Variants in FBXL13 observed in about 807,000 individuals in gnomAD.
FBXL13 encodes F-box and leucine rich repeat protein 13, also known as F-box and leucine-rich repeat protein 13.
In FBXL13, 67 loss-of-function variants were observed where a neutral mutation model predicts 83.6. The observed-to-expected ratio is 0.80, with a 90% CI of 0.66 to 0.98. FBXL13 has a LOEUF of 0.98. Ranked by LOEUF, FBXL13 falls within the 50% of genes least tolerant of loss-of-function variation. The pLI is 0.00. For synonymous variants in FBXL13, 272 were observed against 299.5 expected (o/e 0.91, Z 0.95); for missense variants, 822 against 866.5 (o/e 0.95, Z 0.64).
At chr7:103,038,753 A>G (rs1795345923) in intron 2 of FBXL13, among the ~76,000 whole-genome samples, 1 of 152,212 alleles carries the variant, frequency 6.6e-6, no homozygotes, top group African/African-American at 2.4e-5. Context: ...AAAACTAACA[A>G]ACAGAAAGGA....
At chr7:102,823,521 T>C (rs77202832) in intron 18 of FBXL13, among the ~76,000 whole-genome samples, 1,654 of 152,288 alleles carry the variant, frequency 0.011, 35 homozygotes, top group African/African-American at 0.038. Context: ...GGTTCCAACA[T>C]ATCACAGTTT....
exon 20 of FBXL13, chr7:102,813,439 T>G: frequency 6.2e-7 from 1 of 1,614,134 alleles, no homozygotes. Flanking sequence ...TGTAACAGGG[T>G]TTCCTTCCCT....
chr7:102,910,397 C>A (rs1293539559), intron 11 of FBXL13, among the ~76,000 whole-genome samples: 3 of 144,206 alleles, frequency 2.1e-5, no homozygotes, highest in Non-Finnish European at 4.5e-5. Context: ...TTTTTTTTTT[C>A]TTTGTGTGTT....
At chr7:102,915,790 A>T (rs963173886) in intron 10 of FBXL13, among the ~76,000 whole-genome samples, 1 of 152,198 alleles carries the variant, frequency 6.6e-6, no homozygotes, top group Non-Finnish European at 1.5e-5. Context: ...ATATTAAGTA[A>T]GATTTTGTGG....
intron 11 of FBXL13, among the ~76,000 whole-genome samples, chr7:102,892,401 T>C (rs1811643909): frequency 6.6e-6 from 1 of 152,238 alleles, no homozygotes; most frequent in African/African-American, 2.4e-5. Context: ...CAATGAATAA[T>C]TTTAACAACC....
At chr7:103,043,889 G>A (rs1487711821) in intron 2 of FBXL13, among the ~76,000 whole-genome samples, 1 of 152,146 alleles carries the variant, frequency 6.6e-6, no homozygotes, top group Non-Finnish European at 1.5e-5. Flanking sequence ...TTTGTTAGTG[G>A]TTCTATGGTA....
At position 102,859,962 on chromosome 7, in the gene FBXL13, T is replaced by G. The variant is rs534715519; in HGVS notation, c.1636-5102A>C. 2.6e-5 allele frequency among the ~76,000 whole-genome samples: 4 copies of G among 152,266 alleles called. No individual in the cohort carries two copies. The East Asian group carries it at 5.8e-4, about 22-fold the overall frequency. On this transcript the variant is annotated intron_variant, in intron 16 of 19. Transcript: ENST00000313221. ...GGAATCCTGGGGAGCACTTTGCTCCTCCATTGCTAATGGAATTAAGGGGCC... is the reference window on the plus strand; with the variant it reads ...GGAATCCTGGGGAGCACTTTGCTCCGCCATTGCTAATGGAATTAAGGGGCC...
At chr7:103,011,821 C>T (rs1791660942) in intron 6 of FBXL13, among the ~76,000 whole-genome samples, 1 of 151,952 alleles carries the variant, frequency 6.6e-6, no homozygotes, top group South Asian at 2.1e-4. Context: ...GGAGAATGAA[C>T]AAAACCTCCA....
intron 6 of FBXL13, among the ~76,000 whole-genome samples, chr7:102,998,293 T>C (rs1308629363): frequency 6.6e-6 from 1 of 152,196 alleles, no homozygotes; most frequent in Non-Finnish European, 1.5e-5. Flanking sequence ...ATTTGGGTTA[T>C]TAATCCCTTT....
intron 2 of FBXL13, among the ~76,000 whole-genome samples, chr7:103,041,864 T>C (rs1223041048): frequency 1.3e-5 from 2 of 152,122 alleles, no homozygotes; most frequent in African/African-American, 4.8e-5. Flanking sequence ...ACAGCCAATA[T>C]CCTACTGAAT....
chr7:102,915,122 ATTT>A (rs386410852), intron 10 of FBXL13, among the ~76,000 whole-genome samples: 8 of 128,032 alleles, frequency 6.2e-5, no homozygotes, highest in Admixed American at 8.0e-5. Flanking sequence ...AGATTAAAAT[ATTT>A]TTTTTTTTTT....
chr7:102,997,813 C>T (rs1476493417), intron 6 of FBXL13, among the ~76,000 whole-genome samples: 1 of 152,180 alleles, frequency 6.6e-6, no homozygotes, highest in African/African-American at 2.4e-5. Context: ...TTTATCCATT[C>T]ATCTGTTGAT....
chr7:103,065,984 C>T (rs1798356817), intron 1 of FBXL13, among the ~76,000 whole-genome samples: 1 of 152,238 alleles, frequency 6.6e-6, no homozygotes, highest in Non-Finnish European at 1.5e-5. Flanking sequence ...AGGAAGCACA[C>T]AGGAACCAGG....
chr7:103,039,036 C>G (rs1163735880), intron 2 of FBXL13, among the ~76,000 whole-genome samples: 3 of 152,136 alleles, frequency 2.0e-5, no homozygotes, highest in African/African-American at 7.2e-5. Context: ...GCTAAAGGAG[C>G]ATGTTCTAAC....
At chr7:103,012,261 C>T (rs1585350103) in intron 6 of FBXL13, among the ~76,000 whole-genome samples, 1 of 151,754 alleles carries the variant, frequency 6.6e-6, no homozygotes, top group South Asian at 2.1e-4. Flanking sequence ...TGTAATCCCA[C>T]CTACTCAGGA....
intron 1 of FBXL13, among the ~76,000 whole-genome samples, chr7:103,061,379 T>C (rs7809075): frequency 0.97 from 148,009 of 152,176 alleles, 72,132 homozygotes; most frequent in East Asian, 1. Context: ...TATTGGAAAA[T>C]TAATAAATCA....
intron 18 of FBXL13, among the ~76,000 whole-genome samples, chr7:102,823,742 T>C (rs1409030411): frequency 6.6e-6 from 1 of 152,252 alleles, no homozygotes; most frequent in Admixed American, 6.5e-5. Flanking sequence ...GCTTGGCTCT[T>C]GTTTTAACAT....
chr7:102,870,167 A>C (rs1808335452), intron 16 of FBXL13, among the ~76,000 whole-genome samples: 1 of 152,230 alleles, frequency 6.6e-6, no homozygotes, highest in South Asian at 2.1e-4. Context: ...GTATGCTATC[A>C]GTAATTTAAG....
rs1315462339 is a variant in FBXL13 at position 102,870,550 on chromosome 7, C to T, written c.1635+6917G>A. Among the ~76,000 whole-genome samples, 7 of 152,236 alleles carry T rather than the reference C, an allele frequency of 4.6e-5. No individual in the cohort carries two copies. In the East Asian group the frequency reaches 1.3e-3, roughly 29 times the overall value. ...TACTTGCTCAGCATCTGCCCCTACCCAGGCACATGAAGAACGGAAGGAGTC... is the reference window on the plus strand; with the variant it reads ...TACTTGCTCAGCATCTGCCCCTACCTAGGCACATGAAGAACGGAAGGAGTC... On this transcript the variant is annotated intron_variant, in intron 16 of 19. Coordinates refer to ENST00000313221, the Ensembl canonical transcript of FBXL13.
Sources: allele counts gnomAD v4.1 joint callset (sites outside exome capture counted in the v4.1 genomes callset), GRCh38; gene constraint gnomAD v4.1.1; transcripts MANE v1.5; gene names NCBI Gene and HGNC (gene_info 2026-07-23, HGNC 2026-07-21).